The following ALG13 variants were observed in gnomAD, a reference collection of about 807,000 sequenced individuals.
ALG13 encodes ALG13 UDP-N-acetylglucosaminyltransferase subunit.
In ALG13, 11 loss-of-function variants were observed where a neutral mutation model predicts 87.8. That is an observed-to-expected ratio of 0.13 (90% CI 0.08 to 0.21). The LOEUF (loss-of-function observed/expected upper bound fraction) is 0.21, where lower values mean the gene tolerates loss of function less well. Ranked by LOEUF, ALG13 falls within the 10% of genes least tolerant of loss-of-function variation. The probability of loss-of-function intolerance (pLI) is 1.00; values close to 1 mark genes in which losing one functional copy is unlikely to be tolerated. For synonymous variants in ALG13, 320 were observed against 306.3 expected (o/e 1.04, Z -0.47); for missense variants, 756 against 866.1 (o/e 0.87, Z 1.60).
chrX:111,745,290 C>T (rs1242838241), intron 24 of ALG13, among the ~76,000 whole-genome samples: 1 of 111,208 alleles, frequency 9.0e-6, no homozygotes, highest in Non-Finnish European at 1.9e-5. Flanking sequence ...TGAATTATTG[C>T]AGTCTTTTAT....
At chrX:111,735,963 T>C (rs1456600064) in intron 22 of ALG13, among the ~76,000 whole-genome samples, 1 of 110,213 alleles carries the variant, frequency 9.1e-6, no homozygotes, top group Admixed American at 9.6e-5. Context: ...AAAAATACAG[T>C]CTTACAATGT....
At chrX:111,758,982 T>G (rs766527207) in intron 26 of ALG13, among the ~76,000 whole-genome samples, 6 of 110,762 alleles carry the variant, frequency 5.4e-5, no homozygotes, top group Non-Finnish European at 5.7e-5. Context: ...TTAGGAATAC[T>G]AATTTCTCTC....
intron 3 of ALG13, among the ~76,000 whole-genome samples, chrX:111,706,114 G>A (rs965160490): frequency 9.1e-6 from 1 of 110,422 alleles, no homozygotes; most frequent in African/African-American, 3.3e-5. Flanking sequence ...GAGTGCAGTG[G>A]TGTGATCTCG....
At chrX:111,695,129 TTGAA>T (rs763358574) in intron 3 of ALG13, among the ~76,000 whole-genome samples, 16 of 112,222 alleles carry the variant, frequency 1.4e-4, no homozygotes, top group Non-Finnish European at 2.3e-4. Context: ...AGAAGTTTAA[TTGAA>T]TGAGTCTTTC....
intron 3 of ALG13, among the ~76,000 whole-genome samples, chrX:111,693,703 T>A (rs1936538854): frequency 8.9e-6 from 1 of 112,238 alleles, no homozygotes; most frequent in South Asian, 3.7e-4. Flanking sequence ...TGATTGACAC[T>A]TGTATCATAG....
At chrX:111,696,982 CTTTT>C (rs55888261) in intron 3 of ALG13, among the ~76,000 whole-genome samples, 4 of 74,130 alleles carry the variant, frequency 5.4e-5, no homozygotes, top group African/African-American at 1.6e-4. Context: ...TGGTTCTTAC[CTTTT>C]TTTTTTTTTT....
chrX:111,738,556 T>C (rs1569521274), intron 23 of ALG13, among the ~76,000 whole-genome samples: 1 of 111,748 alleles, frequency 8.9e-6, no homozygotes, highest in Non-Finnish European at 1.9e-5. Context: ...TTTTTTTGTT[T>C]GAGACGGGGT....
chrX:111,681,675 C>T, intron 1 of ALG13: 13 of 867,245 alleles, frequency 1.5e-5, no homozygotes, highest in Non-Finnish European at 1.8e-5. Context: ...CTCAGGCCCC[C>T]CTGTGGACCG....
Position 111,713,228 on chromosome X carries a change from G to T in ALG13, c.936G>T (p.Arg312=), listed in dbSNP as rs745537153. The change falls in exon 8 of 27, where the codon CGG becomes CGT. Residue 312 remains arginine, a synonymous_variant. Coordinates refer to ENST00000394780, the MANE Select transcript of ALG13 (RefSeq NM_001099922.3). ...EIRALSLIYN[R]DFILYRFPGK... ...TACCTTTGTTTTCCCCATATAGTCG[G>T]GATTTCATTCTTTATCGCTTTCCTG... 8 of 1,185,138 alleles carry T rather than the reference G, an allele frequency of 6.8e-6. No individual in the cohort carries two copies. The highest frequency in any genetic ancestry group is 9.1e-6 in the Non-Finnish European group (8 of 876,499).
At chrX:111,717,737 TAGTTATC>T (rs1940837366) in intron 8 of ALG13, 102 bp from the exon 9 acceptor site, 1 of 482,376 alleles carries the variant, frequency 2.1e-6, no homozygotes, top group Admixed American at 4.8e-5. Context: ...AAAATTCAGT[TAGTTATC>T]AGTTACTGAC....
chrX:111,744,518 A>G, intron 23 of ALG13, 150 bp from the exon 24 acceptor site: 1 of 557,865 alleles, frequency 1.8e-6, no homozygotes, highest in Non-Finnish European at 2.9e-6. Flanking sequence ...AAGAGAATGT[A>G]GACAATTCAC....
intron 26 of ALG13, 35 bp from the exon 27 acceptor site, chrX:111,759,699 T>G (rs756686482): frequency 1.1e-4 from 130 of 1,136,122 alleles, no homozygotes; most frequent in Non-Finnish European, 1.4e-4. Flanking sequence ...TGAATTTTTG[T>G]ATATAAAGTA....
chrX:111,714,785 T>C (rs1271714175), intron 8 of ALG13, among the ~76,000 whole-genome samples: 1 of 111,855 alleles, frequency 8.9e-6, no homozygotes, highest in African/African-American at 3.3e-5. Context: ...TTTTTTGATA[T>C]ATTTTAAAGT....
rs1945621175 is a variant in ALG13, at chrX:111,760,168, G to A, written c.*169G>A. ...TAAAATAGTACTTTAAAATTAAGGG[G>A]TATTATTTTGGGCTGTGACTAAGGA... On this transcript the variant is annotated 3_prime_UTR_variant, in exon 27 of 27. Coordinates refer to ENST00000394780, the MANE Select transcript of ALG13 (RefSeq NM_001099922.3). The A allele has an allele frequency of 1.9e-5, 11 of 574,945 alleles. No individual in the cohort carries two copies. The highest frequency in any genetic ancestry group is 2.8e-5 in the Non-Finnish European group (11 of 388,623). The allele number at this position is 574,945 out of a possible 1,213,427, so 47.4% of individuals were successfully genotyped here. A position where few individuals can be genotyped will look rare whatever the true frequency, so the allele number is the denominator to read the frequency against.
intron 3 of ALG13, among the ~76,000 whole-genome samples, chrX:111,698,545 C>T (rs1209808696): frequency 9.0e-6 from 1 of 111,522 alleles, no homozygotes; most frequent in Non-Finnish European, 1.9e-5. Flanking sequence ...CTTCTGGTAA[C>T]CATCATTCTA....
chrX:111,687,815 T>C (rs1935346140), intron 3 of ALG13: 3 of 945,122 alleles, frequency 3.2e-6, no homozygotes, highest in Non-Finnish European at 4.3e-6. Context: ...TTAGATTCAG[T>C]CATCAGTGGG....
At chrX:111,717,176 T>C (rs888200665) in intron 8 of ALG13, among the ~76,000 whole-genome samples, 2 of 111,063 alleles carry the variant, frequency 1.8e-5, no homozygotes, top group African/African-American at 6.6e-5. Context: ...ACATGCAACA[T>C]TTTGACTGAA....
chrX:111,721,929 T>C (rs1198406616), intron 12 of ALG13, among the ~76,000 whole-genome samples: 2 of 111,590 alleles, frequency 1.8e-5, no homozygotes, highest in African/African-American at 6.5e-5. Context: ...ACTTCAACTT[T>C]GCAAAGACTG....
intron 15 of ALG13, 102 bp from the exon 16 acceptor site, chrX:111,726,707 G>C (rs185457953): frequency 1.8e-5 from 17 of 946,985 alleles, no homozygotes; most frequent in Non-Finnish European, 2.5e-5. Flanking sequence ...TTTGTTCCTA[G>C]GGGAAGCATT....
Sources: allele counts gnomAD v4.1 joint callset (sites outside exome capture counted in the v4.1 genomes callset), GRCh38; gene constraint gnomAD v4.1.1; transcripts MANE v1.5; gene names NCBI Gene and HGNC (gene_info 2026-07-23, HGNC 2026-07-21).